Variants in PCDH15 observed in about 807,000 individuals in gnomAD.
The protein encoded by PCDH15 is protocadherin related 15.
In PCDH15, 129 loss-of-function variants were observed where a neutral mutation model predicts 178.5. That is an observed-to-expected ratio of 0.72 (90% CI 0.63 to 0.84). The LOEUF (loss-of-function observed/expected upper bound fraction) is 0.84. Ranked by LOEUF, PCDH15 falls within the 40% of genes least tolerant of loss-of-function variation. PCDH15 has a pLI of 0.00. For synonymous variants in PCDH15, 800 were observed against 732.0 expected, an observed-to-expected ratio of 1.09 and a Z score of -1.50; for missense variants, 2,230 against 2,099.9, an observed-to-expected ratio of 1.06 and a Z score of -1.21.
At chr10:55,549,294 A>G (rs1045004353) in intron 2 of PCDH15, among the ~76,000 whole-genome samples, 19 of 152,190 alleles carry the variant, frequency 1.2e-4, no homozygotes, top group Non-Finnish European at 2.5e-4. Context: ...TTTCAGATGA[A>G]AGTTAATTTA....
At chr10:54,767,065 G>T (rs1224452913) in intron 1 of PCDH15, among the ~76,000 whole-genome samples, 5 of 152,042 alleles carry the variant, frequency 3.3e-5, no homozygotes, top group Admixed American at 6.5e-5. Flanking sequence ...GACTTAGTAG[G>T]GTTGTTACTT....
In PCDH15 at chr10:53,821,853, C is replaced by T. The variant is rs766511056; in HGVS notation, c.4368-1623G>A. 3 of 1,612,238 alleles carry T rather than the reference C, an allele frequency of 1.9e-6. No individual in the cohort carries two copies. The Admixed American group carries it at 5.0e-5, about 27-fold the overall frequency. ...GTTTGCCCGACTAAAATAAGAAAAG[C>T]AACATTACAGTGAAGTAGATTGACT... On this transcript the variant is annotated intron_variant, in intron 32 of 37. Coordinates refer to ENST00000644397, the MANE Select transcript of PCDH15 (RefSeq NM_001384140.1).
At chr10:55,387,445 AT>A (rs1394512137) in intron 2 of PCDH15, among the ~76,000 whole-genome samples, 1 of 152,142 alleles carries the variant, frequency 6.6e-6, no homozygotes, top group African/African-American at 2.4e-5. Context: ...AAATTTGAAA[AT>A]TCCTAACATA....
intron 2 of PCDH15, among the ~76,000 whole-genome samples, chr10:54,530,035 G>A (rs185779635): frequency 2.2e-3 from 334 of 152,054 alleles, no homozygotes; most frequent in Non-Finnish European, 4.0e-3. Flanking sequence ...AACTTTATGG[G>A]CAAGCAGAAT....
At chr10:54,652,248 C>T (rs999126391) in intron 2 of PCDH15, among the ~76,000 whole-genome samples, 1 of 152,178 alleles carries the variant, frequency 6.6e-6, no homozygotes, top group Non-Finnish European at 1.5e-5. Flanking sequence ...AGTTGCTGCT[C>T]TGCCTTGTCT....
chr10:54,883,778 G>A (rs1489133578), intron 3 of PCDH15, among the ~76,000 whole-genome samples: 1 of 151,856 alleles, frequency 6.6e-6, no homozygotes, highest in Non-Finnish European at 1.5e-5. Context: ...GTATTTTTCA[G>A]TCATGATTTT....
At chr10:54,685,435 C>T (rs1003498563) in intron 1 of PCDH15, among the ~76,000 whole-genome samples, 2 of 152,002 alleles carry the variant, frequency 1.3e-5, no homozygotes, top group Non-Finnish European at 2.9e-5. Context: ...TTGTTTATAC[C>T]AGAATCACCA....
rs758000610 is a variant in PCDH15 at position 55,238,145 on chromosome 10, C to CTTT, written c.-155-71497_-155-71495dup. Reference sequence around the variant, plus strand: ...ATAAGACTTCATGCATTCATATTTTCTTTTTTTTTTTTTTTTTTTTGAGAC... The same window carrying CTTT: ...ATAAGACTTCATGCATTCATATTTTCTTTTTTTTTTTTTTTTTTTTTTTGAGAC... On this transcript the variant is annotated intron_variant, in intron 1 of 5. Coordinates refer to the PCDH15 transcript ENST00000458638. 1.7e-3 allele frequency among the ~76,000 whole-genome samples: 216 copies of CTTT among 124,452 alleles called. 1 individual carries two copies. Among genetic ancestry groups the CTTT allele is most frequent in the African/African-American group, 5.6e-3 (186 of 33,356 alleles). 81.6% of individuals were successfully genotyped at this position (124,452 alleles called of 152,430 possible). A position where few individuals can be genotyped will look rare whatever the true frequency, so the allele number is the denominator to read the frequency against.
rs1168890930 is a variant in PCDH15, at chr10:54,717,070, A to G, written c.-28-52780T>C. On this transcript the variant is annotated intron_variant, in intron 1 of 37. Transcript: ENST00000644397. Reference sequence around the variant, plus strand: ...CTGGCTAGCTATATGTAGAAAGCTGAAACTGGATCCCTTCCTTACACCTTA... The same window carrying G: ...CTGGCTAGCTATATGTAGAAAGCTGGAACTGGATCCCTTCCTTACACCTTA... Among the ~76,000 whole-genome samples, 3 of 148,088 alleles carry G rather than the reference A, an allele frequency of 2.0e-5. No homozygotes were observed. The East Asian group carries it at 5.8e-4, about 29-fold the overall frequency.
intron 3 of PCDH15, among the ~76,000 whole-genome samples, chr10:54,853,578 C>T (rs1427115491): frequency 6.7e-6 from 1 of 149,992 alleles, no homozygotes; most frequent in Non-Finnish European, 1.5e-5. Flanking sequence ...TGTGTATTTA[C>T]CAAATATAAA....
At chr10:54,713,750 T>C (rs1420169030) in intron 1 of PCDH15, among the ~76,000 whole-genome samples, 2 of 152,152 alleles carry the variant, frequency 1.3e-5, no homozygotes, top group East Asian at 1.9e-4. Context: ...GGTATCTTAT[T>C]TATTTAAAAT....
chr10:53,995,860 A>T, intron 20 of PCDH15, 95 bp from the exon 21 acceptor site: 1 of 1,098,082 alleles, frequency 9.1e-7, no homozygotes, highest in Non-Finnish European at 1.4e-6. Flanking sequence ...CACACAACTT[A>T]TTTACCACTG....
intron 3 of PCDH15, among the ~76,000 whole-genome samples, chr10:54,453,037 A>T (rs1333620188): frequency 6.6e-6 from 1 of 152,050 alleles, no homozygotes; most frequent in Non-Finnish European, 1.5e-5. Flanking sequence ...TCTATAAGGA[A>T]CACTTTTACA....
Position 55,515,143 on chromosome 10 carries a change from C to A in PCDH15, c.-156+112482G>T, listed in dbSNP as rs567635587. On this transcript the variant is annotated intron_variant, in intron 2 of 5. Transcript: ENST00000613346. ...AGCTGGGATTACAGAAGCTCGCCAC[C>A]ACACCAGGCTAATTTTTGTGTTTTT... Among the ~76,000 whole-genome samples the A allele has an allele frequency of 5.9e-5, 9 of 151,928 alleles. No individual in the cohort carries two copies. In the East Asian group the frequency reaches 1.8e-3, roughly 30 times the overall value.
At chr10:55,451,204 T>C (rs1012735705) in intron 2 of PCDH15, among the ~76,000 whole-genome samples, 1 of 151,786 alleles carries the variant, frequency 6.6e-6, no homozygotes, top group East Asian at 1.9e-4. Context: ...TCCTCTAAAA[T>C]AAAACAGTTT....
At chr10:54,855,264 G>C (rs1337278549) in intron 3 of PCDH15, among the ~76,000 whole-genome samples, 1 of 152,194 alleles carries the variant, frequency 6.6e-6, no homozygotes, top group Admixed American at 6.5e-5. Flanking sequence ...GGAGACCCAG[G>C]TCTGCAGCTA....
At chr10:54,885,202 T>C (rs980929406) in intron 3 of PCDH15, among the ~76,000 whole-genome samples, 3 of 151,950 alleles carry the variant, frequency 2.0e-5, no homozygotes, top group Non-Finnish European at 4.4e-5. Context: ...AGTGGTAAAA[T>C]GTACTAAACT....
At chr10:55,094,185 A>C (rs1011176899) in intron 2 of PCDH15, among the ~76,000 whole-genome samples, 5 of 152,182 alleles carry the variant, frequency 3.3e-5, no homozygotes, top group Admixed American at 6.5e-5. Flanking sequence ...CATGTGGCAC[A>C]TATACACCAT....
At chr10:55,395,196 T>TGTGTGAGA (rs1438872191) in intron 2 of PCDH15, among the ~76,000 whole-genome samples, 1 of 126,640 alleles carries the variant, frequency 7.9e-6, no homozygotes, top group African/African-American at 3.2e-5. Context: ...TGTGTGTGTG[T>TGTGTGAGA]GAGAGAGAGA....
Sources: allele counts gnomAD v4.1 joint callset (sites outside exome capture counted in the v4.1 genomes callset), GRCh38; gene constraint gnomAD v4.1.1; transcripts MANE v1.5; gene names NCBI Gene and HGNC (gene_info 2026-07-23, HGNC 2026-07-21).